The following CADM2 variants were observed in gnomAD, a reference collection of about 807,000 sequenced individuals.
CADM2 encodes immunoglobulin superfamily member 4D.
CADM2 carries 12 observed loss-of-function variants against 49.8 expected under a neutral mutation model. That is an observed-to-expected ratio of 0.24 (90% CI 0.15 to 0.39). The LOEUF (loss-of-function observed/expected upper bound fraction) is 0.39. Among genes scored for constraint, CADM2 ranks in the 10% least tolerant of loss-of-function variants. CADM2 has a pLI of 1.00. For synonymous variants in CADM2, 214 were observed against 175.4 expected (o/e 1.22, Z -1.74); for missense variants, 378 against 492.3 (o/e 0.77, Z 2.20).
intron 1 of CADM2, among the ~76,000 whole-genome samples, chr3:85,681,341 TAAG>T (rs1015454632): frequency 5.9e-5 from 9 of 152,090 alleles, no homozygotes; most frequent in Non-Finnish European, 1.3e-4. Flanking sequence ...TATAGAGAGA[TAAG>T]AAGAATATCA....
intron 8 of CADM2, among the ~76,000 whole-genome samples, chr3:86,015,519 A>C (rs1037335433): frequency 1.3e-5 from 2 of 152,316 alleles, no homozygotes; most frequent in Admixed American, 1.3e-4. Flanking sequence ...AGTGACACCC[A>C]CAGTTGACCT....
chr3:85,661,613 C>CT (rs1203234833), intron 1 of CADM2, among the ~76,000 whole-genome samples: 5 of 151,708 alleles, frequency 3.3e-5, no homozygotes, highest in African/African-American at 9.7e-5. Flanking sequence ...TTCCAAAGCT[C>CT]TTTTTTTTCT....
At chr3:86,010,106 A>C (rs1474955031) in intron 8 of CADM2, among the ~76,000 whole-genome samples, 1 of 152,012 alleles carries the variant, frequency 6.6e-6, no homozygotes, top group African/African-American at 2.4e-5. Context: ...ATAATATTTC[A>C]TATTGATGAC....
At chr3:85,500,528 T>A (rs1214484504) in intron 1 of CADM2, among the ~76,000 whole-genome samples, 2 of 152,062 alleles carry the variant, frequency 1.3e-5, no homozygotes, top group Non-Finnish European at 2.9e-5. Context: ...TGGAATTTTT[T>A]TTTTTTTGAG....
chr3:85,824,951 A>C (rs1395810946), intron 3 of CADM2, among the ~76,000 whole-genome samples: 1 of 152,110 alleles, frequency 6.6e-6, no homozygotes, highest in Non-Finnish European at 1.5e-5. Flanking sequence ...TTAGTTCTCA[A>C]AGCTCTGTGA....
intron 1 of CADM2, among the ~76,000 whole-genome samples, chr3:85,027,200 C>T (rs189270625): frequency 7.2e-6 from 1 of 139,686 alleles, no homozygotes; most frequent in Non-Finnish European, 1.5e-5. Context: ...CTGCAACCTC[C>T]GCCTCCCGGG....
At chr3:85,220,784 T>C (rs1308558728) in intron 1 of CADM2, among the ~76,000 whole-genome samples, 1 of 149,850 alleles carries the variant, frequency 6.7e-6, no homozygotes, top group African/African-American at 2.5e-5. Context: ...GAAGTTCCAA[T>C]TGAGGAAGAG....
chr3:85,421,169 C>A (rs566325680), intron 1 of CADM2, among the ~76,000 whole-genome samples: 1 of 152,198 alleles, frequency 6.6e-6, no homozygotes, highest in South Asian at 2.1e-4. Flanking sequence ...GCAAGACAGG[C>A]AGAGCCAGGG....
intron 1 of CADM2, among the ~76,000 whole-genome samples, chr3:85,427,823 C>T (rs986762619): frequency 6.6e-6 from 1 of 152,036 alleles, no homozygotes; most frequent in Non-Finnish European, 1.5e-5. Context: ...TTGCATTTTA[C>T]TTTGATTAAT....
At chr3:85,981,586 C>G (rs966406033) in intron 8 of CADM2, among the ~76,000 whole-genome samples, 2 of 151,646 alleles carry the variant, frequency 1.3e-5, no homozygotes, top group Admixed American at 1.3e-4. Flanking sequence ...TTAGCTCTGA[C>G]TTATAAGTGA....
At chr3:85,961,290 A>T (rs762293590) in intron 7 of CADM2, among the ~76,000 whole-genome samples, 179 bp from the exon 8 acceptor site, 1 of 151,772 alleles carries the variant, frequency 6.6e-6, no homozygotes, top group Non-Finnish European at 1.5e-5. Context: ...AGCAGATTAT[A>T]TTTGCTATAC....
chr3:85,333,411 A>G (rs1158272422), intron 1 of CADM2, among the ~76,000 whole-genome samples: 1 of 151,786 alleles, frequency 6.6e-6, no homozygotes, highest in Admixed American at 6.6e-5. Flanking sequence ...GTTAAATTTT[A>G]TGTCTATATT....
At chr3:85,539,920 A>G (rs1403836660) in intron 1 of CADM2, among the ~76,000 whole-genome samples, 1 of 152,130 alleles carries the variant, frequency 6.6e-6, no homozygotes, top group Non-Finnish European at 1.5e-5. Context: ...TCATGTAGAA[A>G]GTTCAATATA....
chr3:85,490,576 T>C (rs1354387845), intron 1 of CADM2, among the ~76,000 whole-genome samples: 1 of 152,072 alleles, frequency 6.6e-6, no homozygotes, highest in East Asian at 1.9e-4. Context: ...AGAGTGAGAC[T>C]GTCTCAAACA....
chr3:85,226,677 A>G (rs909243942), intron 1 of CADM2, among the ~76,000 whole-genome samples: 1 of 151,532 alleles, frequency 6.6e-6, no homozygotes, highest in Non-Finnish European at 1.5e-5. Context: ...TAGCTTTTGA[A>G]TTTGTTTGCT....
intron 1 of CADM2, among the ~76,000 whole-genome samples, chr3:85,034,051 A>G (rs964517889): frequency 6.6e-6 from 1 of 152,162 alleles, no homozygotes; most frequent in Non-Finnish European, 1.5e-5. Context: ...TAGGCCTACA[A>G]TGTATAATAA....
intron 1 of CADM2, among the ~76,000 whole-genome samples, chr3:85,198,798 C>T (rs2041411548): frequency 6.6e-6 from 1 of 151,684 alleles, no homozygotes; most frequent in Admixed American, 6.6e-5. Flanking sequence ...GTTATGTCTC[C>T]AGTTTTTTTA....
intron 2 of CADM2, among the ~76,000 whole-genome samples, chr3:85,774,715 C>T (rs1343296346): frequency 6.6e-6 from 1 of 151,328 alleles, no homozygotes; most frequent in African/African-American, 2.4e-5. Context: ...ATGAAGTCTG[C>T]TCTCATAATA....
At chr3:85,556,825 A>G (rs1371543360) in intron 1 of CADM2, among the ~76,000 whole-genome samples, 5 of 152,168 alleles carry the variant, frequency 3.3e-5, no homozygotes, top group African/African-American at 4.8e-5. Context: ...ACAGACATCA[A>G]AATTACTGAA....
Sources: gnomAD v4.1 joint callset for allele counts (sites outside exome capture counted in the v4.1 genomes callset) on GRCh38, gnomAD v4.1.1 for gene constraint, MANE v1.5 for transcripts, NCBI Gene and HGNC (gene_info 2026-07-23, HGNC 2026-07-21) for gene names.